ZBTB20: variants seen among roughly 807,000 people sequenced by gnomAD.
ZBTB20 encodes the protein zinc finger and BTB domain-containing protein 20.
A neutral mutation model predicts 56.9 loss-of-function variants in ZBTB20; 9 were observed. The observed-to-expected ratio is 0.16, with a 90% CI of 0.10 to 0.28. ZBTB20 has a LOEUF of 0.28. Ranked by LOEUF, ZBTB20 falls within the 10% of genes least tolerant of loss-of-function variation. ZBTB20 has a pLI of 1.00. For synonymous variants in ZBTB20, 417 were observed against 420.7 expected (o/e 0.99, Z 0.11); for missense variants, 655 against 1,003.0 (o/e 0.65, Z 4.69).
At chr3:114,390,135 T>C (rs936811802) in intron 7 of ZBTB20, among the ~76,000 whole-genome samples, 7 of 152,172 alleles carry the variant, frequency 4.6e-5, no homozygotes, top group African/African-American at 1.7e-4. Flanking sequence ...ATTAAGCTTT[T>C]ATAGATTCCC....
chr3:114,889,161 T>C (rs1441065349), intron 4 of ZBTB20, among the ~76,000 whole-genome samples: 1 of 151,956 alleles, frequency 6.6e-6, no homozygotes, highest in Non-Finnish European at 1.5e-5. Context: ...AGAAATCCTT[T>C]CGTTTAGAAA....
chr3:114,455,361 T>C (rs961722058), intron 7 of ZBTB20, among the ~76,000 whole-genome samples: 1 of 152,092 alleles, frequency 6.6e-6, no homozygotes, highest in Non-Finnish European at 1.5e-5. Flanking sequence ...TGACAAATCC[T>C]CAAAGGGGGA....
intron 6 of ZBTB20, among the ~76,000 whole-genome samples, chr3:114,627,721 G>T (rs1382534538): frequency 1.3e-5 from 2 of 152,134 alleles, no homozygotes; most frequent in Admixed American, 6.6e-5. Context: ...AATGCACAGG[G>T]GAGTAACTGA....
At chr3:114,639,866 CA>C (rs937257332) in intron 6 of ZBTB20, among the ~76,000 whole-genome samples, 4 of 151,912 alleles carry the variant, frequency 2.6e-5, no homozygotes, top group African/African-American at 9.7e-5. Context: ...ATGGATGGCA[CA>C]TAGCAATAGG....
At chr3:114,898,636 T>C (rs907190628) in intron 4 of ZBTB20, among the ~76,000 whole-genome samples, 1 of 152,128 alleles carries the variant, frequency 6.6e-6, no homozygotes, top group African/African-American at 2.4e-5. Flanking sequence ...TCAACTACTA[T>C]GTACAAGGCA....
chr3:114,643,109 G>A (rs2059645031), intron 6 of ZBTB20, among the ~76,000 whole-genome samples: 1 of 151,960 alleles, frequency 6.6e-6, no homozygotes, highest in African/African-American at 2.4e-5. Context: ...AAATAAATAT[G>A]CTAAACTCTT....
At chr3:114,646,809 C>T (rs2059865641) in intron 6 of ZBTB20, among the ~76,000 whole-genome samples, 1 of 152,014 alleles carries the variant, frequency 6.6e-6, no homozygotes, top group Admixed American at 6.5e-5. Flanking sequence ...AGATAAATAA[C>T]CTCAGTACAA....
At chr3:114,462,572 C>T (rs938183400) in intron 7 of ZBTB20, among the ~76,000 whole-genome samples, 2 of 152,102 alleles carry the variant, frequency 1.3e-5, no homozygotes, top group Non-Finnish European at 2.9e-5. Flanking sequence ...GTAAGAAGCT[C>T]CAGGGAGCTC....
chr3:114,497,943 T>A (rs904815212), intron 7 of ZBTB20, among the ~76,000 whole-genome samples: 2 of 152,220 alleles, frequency 1.3e-5, no homozygotes, highest in African/African-American at 4.8e-5. Flanking sequence ...AGGCACTTTC[T>A]GATGGGTATG....
chr3:115,130,931 T>C (rs1300095622), intron 1 of ZBTB20, among the ~76,000 whole-genome samples: 1 of 151,996 alleles, frequency 6.6e-6, no homozygotes, highest in Admixed American at 6.6e-5. Flanking sequence ...CCAGATAATT[T>C]TGAATTTTTA....
intron 2 of ZBTB20, among the ~76,000 whole-genome samples, chr3:114,988,185 G>A (rs2078633746): frequency 6.8e-6 from 1 of 147,244 alleles, no homozygotes; most frequent in Non-Finnish European, 1.5e-5. Context: ...CCATGTTGGT[G>A]TGCTGCACCC....
chr3:114,687,783 T>C (rs898078314), intron 6 of ZBTB20: 2 of 152,032 alleles, frequency 1.3e-5, no homozygotes, highest in Non-Finnish European at 1.5e-5. Flanking sequence ...ATTGTGAGAG[T>C]TCTGATTCTA....
rs190945964 is a variant in ZBTB20 at position 114,996,544 on chromosome 3, T to C, written c.-506-22128A>G. On this transcript the variant is annotated intron_variant, in intron 2 of 11. Coordinates refer to ENST00000675478, the MANE Select transcript of ZBTB20 (RefSeq NM_001348800.3). ...CCTGCAAAGAACATGAACTCATCCA[T>C]TTTTATGGCTGCATAGTATTCCATG... is the stretch of plus-strand genomic sequence containing the variant. 1.3e-4 allele frequency among the ~76,000 whole-genome samples: 20 copies of C among 152,130 alleles called. No homozygotes were observed. In the East Asian group the frequency reaches 2.9e-3, roughly 22 times the overall value.
At chr3:114,883,949 G>A (rs1431592155) in intron 4 of ZBTB20, among the ~76,000 whole-genome samples, 1 of 6,020 alleles carries the variant, frequency 1.7e-4, no homozygotes, top group South Asian at 5.1e-3. Flanking sequence ...TTTTTGAGAC[G>A]GAGTCTCGCT....
chr3:114,382,412 T>C (rs1424618402), intron 8 of ZBTB20, among the ~76,000 whole-genome samples: 1 of 152,222 alleles, frequency 6.6e-6, no homozygotes, highest in African/African-American at 2.4e-5. Context: ...ATATTGGCCA[T>C]ACTGTACCCT....
chr3:115,010,968 G>T (rs557586771), intron 2 of ZBTB20, among the ~76,000 whole-genome samples: 1 of 151,708 alleles, frequency 6.6e-6, no homozygotes, highest in East Asian at 1.9e-4. Context: ...ATTAAAAAGA[G>T]GCAGGCAGAA....
chr3:114,840,176 C>G (rs1398765091), intron 4 of ZBTB20, among the ~76,000 whole-genome samples: 1 of 152,128 alleles, frequency 6.6e-6, no homozygotes, highest in Non-Finnish European at 1.5e-5. Flanking sequence ...TCTTCAGGTT[C>G]TTCTTTAGTA....
intron 10 of ZBTB20, among the ~76,000 whole-genome samples, chr3:114,356,715 C>T (rs2081291502): frequency 6.6e-6 from 1 of 152,132 alleles, no homozygotes; most frequent in Non-Finnish European, 1.5e-5. Flanking sequence ...ATTTTGGTGA[C>T]TGAGCCCCCT....
intron 7 of ZBTB20, among the ~76,000 whole-genome samples, chr3:114,443,012 A>G (rs2091030365): frequency 6.6e-6 from 1 of 152,174 alleles, no homozygotes; most frequent in Admixed American, 6.6e-5. Context: ...TAAAAATGCT[A>G]TACTTGCCCT....
Sources: gnomAD v4.1 joint callset for allele counts (sites outside exome capture counted in the v4.1 genomes callset) on GRCh38, gnomAD v4.1.1 for gene constraint, MANE v1.5 for transcripts, NCBI Gene and HGNC (gene_info 2026-07-23, HGNC 2026-07-21) for gene names.